The following PIP5K1B variants were observed in gnomAD, a reference collection of about 807,000 sequenced individuals.
The protein encoded by PIP5K1B is phosphatidylinositol 4-phosphate 5-kinase type-1 beta.
Under a neutral mutation model 67.0 loss-of-function variants are expected in PIP5K1B, and 42 were observed. That is an observed-to-expected ratio of 0.63 (90% confidence interval 0.49 to 0.81). The LOEUF is 0.81. Ranked by LOEUF, PIP5K1B falls within the 30% of genes least tolerant of loss-of-function variation. PIP5K1B has a pLI of 0.00. For synonymous variants in PIP5K1B, 214 were observed against 231.4 expected (o/e 0.92, Z 0.68); for missense variants, 459 against 646.3 (o/e 0.71, Z 3.14).
Position 68,815,267 on chromosome 9 carries a change from T to TAA in PIP5K1B, c.-85-3184_-85-3183dup, listed in dbSNP as rs11454489. Among the ~76,000 whole-genome samples, 1,172 of 147,230 alleles carry TAA rather than the reference T, an allele frequency of 8.0e-3. 16 individuals carry two copies. The highest frequency in any genetic ancestry group is 0.027 in the African/African-American group (1,071 of 40,366). On this transcript the variant is annotated intron_variant, in intron 2 of 15. Coordinates refer to ENST00000265382, the MANE Select transcript of PIP5K1B (RefSeq NM_003558.4). ...ATAGCCTAAATGCTTTTGGTACTAT[T>TAA]AAAAAAAAAAAGAGTGAAAAATAAG...
chr9:68,982,458 T>A (rs1417303932), intron 14 of PIP5K1B, among the ~76,000 whole-genome samples: 1 of 152,210 alleles, frequency 6.6e-6, no homozygotes, highest in Non-Finnish European at 1.5e-5. Flanking sequence ...AAATCCTTTT[T>A]TTAAATGTAT....
intron 8 of PIP5K1B, among the ~76,000 whole-genome samples, chr9:68,901,294 C>T (rs138491904): frequency 1.3e-5 from 2 of 152,214 alleles, no homozygotes; most frequent in African/African-American, 4.8e-5. Context: ...AAGTCTCACT[C>T]TGCTGCCCAG....
intron 15 of PIP5K1B, among the ~76,000 whole-genome samples, chr9:69,007,218 C>T (rs1337227543): frequency 1.3e-5 from 2 of 152,134 alleles, no homozygotes; most frequent in Non-Finnish European, 2.9e-5. Flanking sequence ...AACAGAATTC[C>T]CTGTATGTGA....
At chr9:68,840,202 C>T (rs929557421) in intron 4 of PIP5K1B, among the ~76,000 whole-genome samples, 2 of 152,040 alleles carry the variant, frequency 1.3e-5, no homozygotes, top group African/African-American at 2.4e-5. Flanking sequence ...CATGGTGAAA[C>T]CCCGTCTCTA....
intron 8 of PIP5K1B, among the ~76,000 whole-genome samples, chr9:68,911,510 A>G (rs1172177376): frequency 1.3e-5 from 2 of 152,246 alleles, no homozygotes; most frequent in South Asian, 2.1e-4. Flanking sequence ...ATGAAATCGC[A>G]TTAGAATGAT....
intron 15 of PIP5K1B, among the ~76,000 whole-genome samples, chr9:69,006,220 A>G (rs1014780992): frequency 3.9e-5 from 6 of 152,060 alleles, no homozygotes; most frequent in African/African-American, 9.7e-5. Context: ...GCTTGAGAAA[A>G]AACTGGCTTC....
chr9:68,946,684 A>T (rs1827820069), intron 14 of PIP5K1B, among the ~76,000 whole-genome samples: 1 of 151,968 alleles, frequency 6.6e-6, no homozygotes, highest in Non-Finnish European at 1.5e-5. Context: ...ATGAGCCACC[A>T]CGCCCAGCCT....
chr9:68,792,084 C>T (rs1429620214), intron 2 of PIP5K1B, among the ~76,000 whole-genome samples: 3 of 152,234 alleles, frequency 2.0e-5, no homozygotes, highest in South Asian at 2.1e-4. Flanking sequence ...TCTACAACCA[C>T]GGTCAGTTAG....
At chr9:68,841,141 C>G (rs1168448516) in intron 4 of PIP5K1B, among the ~76,000 whole-genome samples, 1 of 152,222 alleles carries the variant, frequency 6.6e-6, no homozygotes, top group African/African-American at 2.4e-5. Flanking sequence ...ATACCTAAGT[C>G]TCCCTGTAAT....
At position 68,851,110 on chromosome 9, in the gene PIP5K1B, C is replaced by G. The variant is rs1196696763; in HGVS notation, c.70-12727C>G. Reference sequence around the variant, plus strand: ...TAATGAGGAGTGTTTACTTAACATGCTCTTCCTTTCCAATGAGGGAACATG... The same window carrying G: ...TAATGAGGAGTGTTTACTTAACATGGTCTTCCTTTCCAATGAGGGAACATG... On this transcript the variant is annotated intron_variant, in intron 4 of 15. Transcript: ENST00000265382. Among the ~76,000 whole-genome samples, 3 of 152,162 alleles carry G rather than the reference C, an allele frequency of 2.0e-5. No homozygotes were observed. In the East Asian group the frequency reaches 5.8e-4, roughly 29 times the overall value.
At chr9:68,787,600 A>G (rs1355357159) in intron 2 of PIP5K1B, among the ~76,000 whole-genome samples, 2 of 151,644 alleles carry the variant, frequency 1.3e-5, no homozygotes, top group African/African-American at 4.8e-5. Flanking sequence ...TTGACCTAAC[A>G]TTCATTTTTC....
intron 2 of PIP5K1B, among the ~76,000 whole-genome samples, chr9:68,766,991 A>C (rs1830458687): frequency 6.6e-6 from 1 of 152,204 alleles, no homozygotes; most frequent in Non-Finnish European, 1.5e-5. Flanking sequence ...TAGCCCAAGT[A>C]AATTCTTCAA....
intron 2 of PIP5K1B, among the ~76,000 whole-genome samples, chr9:68,799,371 T>C (rs981475455): frequency 6.6e-6 from 1 of 152,188 alleles, no homozygotes; most frequent in Non-Finnish European, 1.5e-5. Context: ...CCCAATGGTA[T>C]TGTTTTATAG....
intron 2 of PIP5K1B, chr9:68,781,132 C>G: frequency 7.0e-7 from 1 of 1,438,736 alleles, no homozygotes; most frequent in South Asian, 1.4e-5. Context: ...TCCTATTTGA[C>G]CCCTTTTCTT....
At chr9:68,981,948 C>A (rs1829899305) in intron 14 of PIP5K1B, among the ~76,000 whole-genome samples, 1 of 152,174 alleles carries the variant, frequency 6.6e-6, no homozygotes, top group African/African-American at 2.4e-5. Flanking sequence ...GAGCAGAGCA[C>A]AGAGCCCGGG....
intron 2 of PIP5K1B, among the ~76,000 whole-genome samples, chr9:68,774,781 C>A (rs1288914929): frequency 1.3e-5 from 2 of 152,188 alleles, no homozygotes; most frequent in Non-Finnish European, 2.9e-5. Context: ...AGTACTACAG[C>A]TAATTCATCC....
rs1301000802 is a variant in PIP5K1B at position 68,705,503 on chromosome 9, T to A, written c.-502T>A. The A allele has an allele frequency of 6.6e-6, 1 of 151,048 alleles. No individual in the cohort carries two copies. The allele number at this position is 151,048 out of a possible 1,614,324, so 9.4% of individuals were successfully genotyped here. A position where few individuals can be genotyped will look rare whatever the true frequency, so the allele number is the denominator to read the frequency against. ...GCGGCGCGCGCGCACTGCACACTCGTAGCCGCGCGCCCCCGCCAAGGCGCG... is the reference window on the plus strand; with the variant it reads ...GCGGCGCGCGCGCACTGCACACTCGAAGCCGCGCGCCCCCGCCAAGGCGCG... On this transcript the variant is annotated 5_prime_UTR_variant, in exon 1 of 16. Coordinates refer to ENST00000265382, the MANE Select transcript of PIP5K1B (RefSeq NM_003558.4).
chr9:68,922,037 G>A (rs369468560), intron 11 of PIP5K1B, among the ~76,000 whole-genome samples: 11 of 152,098 alleles, frequency 7.2e-5, no homozygotes, highest in East Asian at 5.8e-4. Context: ...TATAGGCAAC[G>A]GCTGAACTTT....
At chr9:68,853,099 C>G (rs1176514672) in intron 4 of PIP5K1B, among the ~76,000 whole-genome samples, 1 of 152,078 alleles carries the variant, frequency 6.6e-6, no homozygotes, top group Non-Finnish European at 1.5e-5. Flanking sequence ...AGAAAGAGAG[C>G]CTTGGAATGA....
Sources: allele counts gnomAD v4.1 joint callset (sites outside exome capture counted in the v4.1 genomes callset), GRCh38; gene constraint gnomAD v4.1.1; transcripts MANE v1.5; gene names NCBI Gene and HGNC (gene_info 2026-07-23, HGNC 2026-07-21).